The following FIRRM variants were observed in gnomAD, a reference collection of about 807,000 sequenced individuals.
FIRRM encodes FIGNL1-interacting regulator of recombination and mitosis.
the FIRRM span, chr1:169,849,614 A>C: frequency 6.3e-7 from 1 of 1,579,950 alleles, no homozygotes; most frequent in Non-Finnish European, 8.7e-7. Context: ...GGTAATTATA[A>C]AACTGATTTA....
chr1:169,850,267 A>T, the FIRRM span: 1 of 1,605,306 alleles, frequency 6.2e-7, no homozygotes, highest in Non-Finnish European at 8.5e-7. Flanking sequence ...TTTAATAGGG[A>T]ACAAATCATG....
At chr1:169,842,492 A>G in the FIRRM span, 18 of 1,614,020 alleles carry the variant, frequency 1.1e-5, no homozygotes, top group South Asian at 1.1e-4. Flanking sequence ...ACAAACTGCA[A>G]TTATCGAAGT....
At chr1:169,795,078 T>A in the FIRRM span, 60 of 1,524,198 alleles carry the variant, frequency 3.9e-5, no homozygotes, top group Non-Finnish European at 4.8e-5. Flanking sequence ...GGGTCTGGTT[T>A]GAAGCTCTCC....
the FIRRM span, among the ~76,000 whole-genome samples, chr1:169,796,497 CCTCT>C: frequency 6.6e-6 from 1 of 152,234 alleles, no homozygotes; most frequent in Non-Finnish European, 1.5e-5. Context: ...AACCTTGAAT[CCTCT>C]CTGTCTCACA....
chr1:169,803,449 G>A, the FIRRM span: 2 of 906,402 alleles, frequency 2.2e-6, no homozygotes, highest in South Asian at 4.1e-5. Context: ...GAACATGTAA[G>A]TAAATAATTG....
the FIRRM span, among the ~76,000 whole-genome samples, chr1:169,792,214 T>C: frequency 6.6e-6 from 1 of 152,214 alleles, no homozygotes. Flanking sequence ...TATATTAATG[T>C]GAACAAGGAA....
At chr1:169,836,940 A>G in the FIRRM span, 1 of 1,611,000 alleles carries the variant, frequency 6.2e-7, no homozygotes, top group Non-Finnish European at 8.5e-7. Flanking sequence ...GAGTTTATCC[A>G]GAAATTTTCC....
chr1:169,792,671 T>C, the FIRRM span: 2 of 1,613,026 alleles, frequency 1.2e-6, no homozygotes, highest in South Asian at 2.2e-5. Flanking sequence ...ATCTCTTTCT[T>C]CTACAAACTT....
At chr1:169,843,904 G>T in the FIRRM span, 1 of 614,836 alleles carries the variant, frequency 1.6e-6, no homozygotes, top group Non-Finnish European at 2.9e-6. Flanking sequence ...TCTTCATCAA[G>T]GATATCTCAT....
chr1:169,851,007 A>ATTTT, the FIRRM span: 1 of 18,492 alleles, frequency 5.4e-5, no homozygotes, highest in Non-Finnish European at 9.3e-5. Flanking sequence ...TTTTTTTTTT[A>ATTTT]TTTGGGCAGC....
At chr1:169,794,432 A>G in the FIRRM span, among the ~76,000 whole-genome samples, 1 of 152,236 alleles carries the variant, frequency 6.6e-6, no homozygotes, top group Admixed American at 6.5e-5. Context: ...AAGTGGGGGT[A>G]ATTTGGCAAT....
chr1:169,823,530 G>T, the FIRRM span: 1 of 963,876 alleles, frequency 1.0e-6, no homozygotes, highest in South Asian at 1.8e-5. Context: ...GCCATGCAGT[G>T]CTTAAGTACC....
the FIRRM span, chr1:169,830,201 T>A: frequency 7.4e-7 from 1 of 1,359,480 alleles, no homozygotes; most frequent in African/African-American, 1.5e-5. Context: ...AAATATAATA[T>A]TATTGCTTAT....
chr1:169,792,364 A>T, the FIRRM span, among the ~76,000 whole-genome samples: 7 of 152,334 alleles, frequency 4.6e-5, no homozygotes, highest in South Asian at 1.0e-3. Flanking sequence ...TTACAAAATG[A>T]TTTCCCAGGA....
the FIRRM span, among the ~76,000 whole-genome samples, chr1:169,842,769 TACTTTCCTA>T: frequency 6.6e-6 from 1 of 152,316 alleles, no homozygotes; most frequent in South Asian, 2.1e-4. Context: ...TCCACCTACT[TACTTTCCTA>T]ACTGGTTATA....
the FIRRM span, among the ~76,000 whole-genome samples, chr1:169,843,153 G>T: frequency 6.6e-6 from 1 of 152,192 alleles, no homozygotes; most frequent in South Asian, 2.1e-4. Flanking sequence ...TGATAGATAT[G>T]ATTTTACAGA....
the FIRRM span, among the ~76,000 whole-genome samples, chr1:169,800,416 A>G: frequency 6.6e-6 from 1 of 152,220 alleles, no homozygotes; most frequent in Non-Finnish European, 1.5e-5. Context: ...GGAAAATATG[A>G]AACATATAGA....
the FIRRM span, among the ~76,000 whole-genome samples, chr1:169,828,659 C>T: frequency 2.0e-5 from 3 of 152,078 alleles, no homozygotes; most frequent in Non-Finnish European, 4.4e-5. Flanking sequence ...AGTGATTCTC[C>T]TACCTTAGCC....
the FIRRM span, chr1:169,853,757 A>G: frequency 5.0e-6 from 8 of 1,613,964 alleles, no homozygotes; most frequent in Non-Finnish European, 6.8e-6. Context: ...TCTTCTTCCC[A>G]GCCTTCAGCC....
Sources: gnomAD v4.1 joint callset for allele counts (sites outside exome capture counted in the v4.1 genomes callset) on GRCh38, gnomAD v4.1.1 for gene constraint, MANE v1.5 for transcripts, NCBI Gene and HGNC (gene_info 2026-07-23, HGNC 2026-07-21) for gene names.